KIAA1328: variants seen among roughly 807,000 people sequenced by gnomAD.
KIAA1328 encodes protein hinderin.
KIAA1328 carries 52 observed loss-of-function variants against 68.1 expected under a neutral mutation model. The ratio of observed to expected loss-of-function variants is 0.76; its 90% CI spans 0.61 to 0.96. The LOEUF (loss-of-function observed/expected upper bound fraction) is 0.96, where lower values mean the gene tolerates loss of function less well. KIAA1328 is among the 40% of genes least tolerant of loss of function. The probability of loss-of-function intolerance (pLI) is 0.00; values close to 1 mark genes in which losing one functional copy is unlikely to be tolerated. For synonymous variants in KIAA1328, 232 were observed against 239.4 expected (o/e 0.97, Z 0.28); for missense variants, 641 against 677.6 (o/e 0.95, Z 0.60).
At chr18:36,953,354 T>A (rs1021151711) in intron 5 of KIAA1328, among the ~76,000 whole-genome samples, 1 of 146,014 alleles carries the variant, frequency 6.8e-6, no homozygotes, top group Non-Finnish European at 1.5e-5. Context: ...GCAAAGCAGA[T>A]ATAGCCAATG....
At chr18:37,073,836 T>A (rs749628037) in intron 7 of KIAA1328, among the ~76,000 whole-genome samples, 23 of 152,348 alleles carry the variant, frequency 1.5e-4, no homozygotes, top group Non-Finnish European at 3.1e-4. Context: ...TATTCTTATC[T>A]GATAATACCA....
chr18:36,975,376 G>A (rs1452857500), intron 6 of KIAA1328, among the ~76,000 whole-genome samples: 1 of 151,886 alleles, frequency 6.6e-6, no homozygotes, highest in African/African-American at 2.4e-5. Flanking sequence ...TAGAGACGGG[G>A]TTTCACCGTT....
intron 9 of KIAA1328, among the ~76,000 whole-genome samples, chr18:37,215,295 A>G (rs1207851840): frequency 1.3e-5 from 2 of 152,300 alleles, no homozygotes; most frequent in South Asian, 2.1e-4. Context: ...TTTGTCATAA[A>G]TAGCTCTTAT....
At chr18:36,906,135 T>C (rs2049212263) in intron 5 of KIAA1328, among the ~76,000 whole-genome samples, 1 of 152,182 alleles carries the variant, frequency 6.6e-6, no homozygotes, top group Non-Finnish European at 1.5e-5. Context: ...ATGAGGTTAT[T>C]ACATACATTT....
At chr18:37,157,501 T>C (rs2059176947) in intron 7 of KIAA1328, among the ~76,000 whole-genome samples, 1 of 152,016 alleles carries the variant, frequency 6.6e-6, no homozygotes, top group Non-Finnish European at 1.5e-5. Flanking sequence ...TGAAGTTTCT[T>C]CTCATCAGTG....
intron 4 of KIAA1328, among the ~76,000 whole-genome samples, chr18:36,879,756 G>A (rs1271586618): frequency 6.6e-6 from 1 of 152,150 alleles, no homozygotes; most frequent in East Asian, 1.9e-4. Flanking sequence ...AGGCAGTCTG[G>A]CTACAGTGGC....
At chr18:36,942,218 T>A (rs894649719) in intron 5 of KIAA1328, among the ~76,000 whole-genome samples, 2 of 152,214 alleles carry the variant, frequency 1.3e-5, no homozygotes, top group Non-Finnish European at 2.9e-5. Flanking sequence ...TGGCGCATAT[T>A]TTAAATATTT....
intron 6 of KIAA1328, among the ~76,000 whole-genome samples, chr18:37,048,036 G>C (rs1241198049): frequency 6.6e-6 from 1 of 151,956 alleles, no homozygotes; most frequent in African/African-American, 2.4e-5. Flanking sequence ...AAAACTTTTG[G>C]CTATTCCTAT....
intron 9 of KIAA1328, among the ~76,000 whole-genome samples, chr18:37,186,564 C>CAAAAAAA (rs397858280): frequency 6.8e-5 from 5 of 73,172 alleles, no homozygotes; most frequent in African/African-American, 2.0e-4. Flanking sequence ...GAAACCCTAT[C>CAAAAAAA]AAAAAAAAAA....
chr18:37,181,666 A>C (rs2059700879), intron 9 of KIAA1328, among the ~76,000 whole-genome samples: 1 of 152,216 alleles, frequency 6.6e-6, no homozygotes, highest in Admixed American at 6.6e-5. Flanking sequence ...AGACATTCTT[A>C]CTATAGAAAG....
chr18:36,998,633 C>A (rs1044616053), intron 6 of KIAA1328, among the ~76,000 whole-genome samples: 2 of 152,178 alleles, frequency 1.3e-5, no homozygotes, highest in Non-Finnish European at 2.9e-5. Context: ...TCCATAATAA[C>A]CACCCCCTAG....
intron 5 of KIAA1328, among the ~76,000 whole-genome samples, chr18:36,908,586 C>T (rs1397042599): frequency 2.0e-5 from 3 of 152,104 alleles, no homozygotes; most frequent in Admixed American, 2.0e-4. Flanking sequence ...AAGCAGTATC[C>T]CCTTCGGCCT....
At chr18:37,112,444 C>A (rs2057961208) in intron 7 of KIAA1328, among the ~76,000 whole-genome samples, 1 of 152,218 alleles carries the variant, frequency 6.6e-6, no homozygotes, top group African/African-American at 2.4e-5. Flanking sequence ...CTCCAACAGA[C>A]CTGTGGCTGA....
intron 4 of KIAA1328, among the ~76,000 whole-genome samples, chr18:36,884,905 G>A (rs1483829334): frequency 6.6e-6 from 1 of 151,444 alleles, no homozygotes; most frequent in Non-Finnish European, 1.5e-5. Context: ...ATCCCTTTTT[G>A]GTATGATTAA....
At chr18:36,926,610 CA>C (rs1318648242) in intron 5 of KIAA1328, among the ~76,000 whole-genome samples, 8 of 152,214 alleles carry the variant, frequency 5.3e-5, no homozygotes, top group Admixed American at 5.2e-4. Flanking sequence ...AAGTCTAAAC[CA>C]CTCTCTGGAG....
intron 7 of KIAA1328, among the ~76,000 whole-genome samples, chr18:37,152,803 C>T (rs957965243): frequency 3.9e-5 from 6 of 152,096 alleles, no homozygotes; most frequent in Non-Finnish European, 5.9e-5. Flanking sequence ...CTCAGTAAGG[C>T]TTCCCTTTTA....
At chr18:37,177,811 G>A (rs1204551760) in intron 9 of KIAA1328, among the ~76,000 whole-genome samples, 1 of 151,580 alleles carries the variant, frequency 6.6e-6, no homozygotes, top group Non-Finnish European at 1.5e-5. Context: ...TTATTTGGGG[G>A]CTTTTAAAAA....
intron 5 of KIAA1328, among the ~76,000 whole-genome samples, chr18:36,904,512 A>T (rs2049149131): frequency 6.6e-6 from 1 of 152,182 alleles, no homozygotes; most frequent in Admixed American, 6.5e-5. Context: ...TTGCCCTAAA[A>T]TCTACATTAC....
chr18:36,940,492 G>A (rs1185926720), intron 5 of KIAA1328, among the ~76,000 whole-genome samples: 1 of 152,128 alleles, frequency 6.6e-6, no homozygotes, highest in African/African-American at 2.4e-5. Flanking sequence ...GTATGCCGTT[G>A]ACAAAGCTTG....
Sources: gnomAD v4.1 joint callset for allele counts (sites outside exome capture counted in the v4.1 genomes callset) on GRCh38, gnomAD v4.1.1 for gene constraint, MANE v1.5 for transcripts, NCBI Gene and HGNC (gene_info 2026-07-23, HGNC 2026-07-21) for gene names.